The following OTULINL variants were observed in gnomAD, a reference collection of about 807,000 sequenced individuals.
OTULINL encodes the protein OTU deubiquitinase with linear linkage specificity like.
In OTULINL, 42 loss-of-function variants were observed where a neutral mutation model predicts 43.9. The ratio of observed to expected loss-of-function variants is 0.96; its 90% CI spans 0.75 to 1.24. OTULINL has a LOEUF of 1.24. Ranked by LOEUF, OTULINL falls within the 50% of genes most tolerant of loss-of-function variation. The probability of loss-of-function intolerance (pLI) is 0.00; values close to 1 mark genes in which losing one functional copy is unlikely to be tolerated. For synonymous variants in OTULINL, 172 were observed against 153.6 expected, an observed-to-expected ratio of 1.12 and a Z score of -0.88; for missense variants, 411 against 426.4, an observed-to-expected ratio of 0.96 and a Z score of 0.32.
At position 14,610,503 on chromosome 5, in the gene OTULINL, GC is replaced by G. The variant is rs1759564326; in HGVS notation, c.*190del. Reference sequence around the variant, plus strand: ...TTATTTTTCAGTGATTTCCTCTGAAGCAGCTGCACTGATACATTTGGGAGTT... The same window carrying G: ...TTATTTTTCAGTGATTTCCTCTGAAGAGCTGCACTGATACATTTGGGAGTT... On this transcript the variant is annotated 3_prime_UTR_variant, in exon 8 of 8. Transcript: ENST00000274217. 1.7e-6 allele frequency: 1 copy of G among 578,476 alleles called. No homozygotes were observed. The highest frequency in any genetic ancestry group is 1.9e-5 in the African/African-American group (1 of 53,640). 35.8% of individuals were successfully genotyped at this position (578,476 alleles called of 1,614,324 possible).
At chr5:14,605,507 G>A (rs960521493) in intron 5 of OTULINL, among the ~76,000 whole-genome samples, 1 of 152,164 alleles carries the variant, frequency 6.6e-6, no homozygotes, top group Admixed American at 6.5e-5. Context: ...CATTAGTTAC[G>A]CAAATATCTG....
Position 14,614,657 on chromosome 5 carries a change from C to T in OTULINL, c.*4343C>T, listed in dbSNP as rs866806185. 6 of 398,460 alleles carry T rather than the reference C, an allele frequency of 1.5e-5. No individual in the cohort carries two copies. Among genetic ancestry groups the T allele is most frequent in the East Asian group, 3.6e-5 (1 of 28,092 alleles). 24.7% of individuals were successfully genotyped at this position (398,460 alleles called of 1,614,324 possible). Reference sequence around the variant, plus strand: ...GTCTGGAGTGCTCTGTAGAACAGCCCGAAGTGTACACCATGTCTCTGCACT... The same window carrying T: ...GTCTGGAGTGCTCTGTAGAACAGCCTGAAGTGTACACCATGTCTCTGCACT... On this transcript the variant is annotated 3_prime_UTR_variant, in exon 8 of 8. Transcript: ENST00000274217.
In OTULINL at chr5:14,614,095, A is replaced by C; in HGVS notation, c.*3781A>C. On this transcript the variant is annotated 3_prime_UTR_variant, in exon 8 of 8. Coordinates refer to ENST00000274217, the MANE Select transcript of OTULINL (RefSeq NM_019018.3). ...AGGGTTGACTAATTCCAGAATTAGC[A>C]ATAATTTTCTCTTAAATAGCAAATT... Among the ~76,000 whole-genome samples the C allele has an allele frequency of 6.6e-6, 1 of 152,232 alleles. No homozygotes were observed. The highest frequency in any genetic ancestry group is 1.5e-5 in the Non-Finnish European group (1 of 68,036).
rs1759605833 is a variant in OTULINL, at chr5:14,612,903, A to G, written c.*2589A>G. ...TGACTTTTACTGTGGTAAAATACAC[A>G]TAACATATAGTTTATATTTTAACAA... On this transcript the variant is annotated 3_prime_UTR_variant, in exon 8 of 8. Transcript: ENST00000274217. 6.7e-6 allele frequency among the ~76,000 whole-genome samples: 1 copy of G among 148,580 alleles called. No homozygotes were observed. Among genetic ancestry groups the G allele is most frequent in the Non-Finnish European group, 1.5e-5 (1 of 67,502 alleles).
chr5:14,589,691 C>T (rs1357394593), intron 1 of OTULINL, among the ~76,000 whole-genome samples: 1 of 152,168 alleles, frequency 6.6e-6, no homozygotes, highest in Non-Finnish European at 1.5e-5. Context: ...TGGCTCATGC[C>T]TGTCATCCCA....
intron 1 of OTULINL, among the ~76,000 whole-genome samples, chr5:14,584,346 G>T (rs1340999256): frequency 1.3e-5 from 2 of 152,214 alleles, no homozygotes; most frequent in East Asian, 3.8e-4. Flanking sequence ...GAGGTTCTTA[G>T]GGGCCGGTGT....
rs1483363122 is a variant in OTULINL at position 14,610,984 on chromosome 5, T to A, written c.*670T>A. The A allele has an allele frequency of 6.6e-6, 1 of 152,188 alleles. No individual in the cohort carries two copies. The highest frequency in any genetic ancestry group is 1.9e-4 in the East Asian group (1 of 5,194). 9.4% of individuals were successfully genotyped at this position (152,188 alleles called of 1,614,324 possible). A position where few individuals can be genotyped will look rare whatever the true frequency, so the allele number is the denominator to read the frequency against. ...TCTCTTTACTTTTTTTGTTACTATT[T>A]TATCTGGCCAGCTTAATAGTTTTAT... is the stretch of plus-strand genomic sequence containing the variant. On this transcript the variant is annotated 3_prime_UTR_variant, in exon 8 of 8. Transcript: ENST00000274217.
Position 14,611,020 on chromosome 5 carries a change from T to A in OTULINL, c.*706T>A, listed in dbSNP as rs1471691119. 2.6e-5 allele frequency: 4 copies of A among 152,216 alleles called. No individual in the cohort carries two copies. The highest frequency in any genetic ancestry group is 1.9e-4 in the East Asian group (1 of 5,198). 9.4% of individuals were successfully genotyped at this position (152,216 alleles called of 1,614,324 possible). A position where few individuals can be genotyped will look rare whatever the true frequency, so the allele number is the denominator to read the frequency against. On this transcript the variant is annotated 3_prime_UTR_variant, in exon 8 of 8. Transcript: ENST00000274217. Reference sequence around the variant, plus strand: ...GCTTAATAGTTTTATTTAGATTTTTTAAAATTCTGTAGATTAAAGCAAATG... The same window carrying A: ...GCTTAATAGTTTTATTTAGATTTTTAAAAATTCTGTAGATTAAAGCAAATG...
chr5:14,584,349 G>T (rs756673704), intron 1 of OTULINL, among the ~76,000 whole-genome samples: 6 of 152,154 alleles, frequency 3.9e-5, no homozygotes, highest in Non-Finnish European at 8.8e-5. Flanking sequence ...GTTCTTAGGG[G>T]CCGGTGTTGG....
rs1274986023 is a variant in OTULINL, at chr5:14,610,312, T to C, written c.1069T>C (p.Ter357GlnextTer12). ...CCGCCACTACCACATTCCAGTCTTT[T>C]AAGTCCGCTGGGGGCCGAACAGCAG... is the stretch of plus-strand genomic sequence containing the variant. ...NDRHYHIPVF* is the reference protein window; with the variant it reads ...NDRHYHIPVFQ Residue 357 changes from the stop codon to glutamine (Q), a stop_lost, in exon 8 of 8, where the codon TAA becomes CAA. Coordinates refer to ENST00000274217, the MANE Select transcript of OTULINL (RefSeq NM_019018.3). 5 of 1,612,364 alleles carry C rather than the reference T, an allele frequency of 3.1e-6. No individual in the cohort carries two copies. In the African/African-American group the frequency reaches 6.7e-5, roughly 22 times the overall value.
rs1225496712 is a variant in OTULINL at position 14,608,614 on chromosome 5, A to T, written c.628-134A>T. The T allele has an allele frequency of 7.0e-6, 5 of 719,148 alleles. No homozygotes were observed. In the African/African-American group the frequency reaches 8.9e-5, roughly 13 times the overall value. The allele number at this position is 719,148 out of a possible 1,614,324, so 44.5% of individuals were successfully genotyped here. A position where few individuals can be genotyped will look rare whatever the true frequency, so the allele number is the denominator to read the frequency against. ...AAAAAAAATCAAACAGTGCCGAAAG[A>T]TAGAAAGTGAAGAGTTAAAGTTCCA... On this transcript the variant is annotated intron_variant, in intron 6 of 7. Transcript: ENST00000274217.
At position 14,607,458 on chromosome 5, in the gene OTULINL, GGTAA is replaced by G. The variant is rs1759503286; in HGVS notation, c.627+3_627+6del. 6.2e-7 allele frequency: 1 copy of G among 1,613,682 alleles called. No homozygotes were observed. Among genetic ancestry groups the G allele is most frequent in the Non-Finnish European group, 8.5e-7 (1 of 1,179,832 alleles). ...AATATGTGGAATTATTGAAAACACA[GGTAA>G]GTGTTTGCGGGGGAAATAAAAAGAC... On this transcript the variant is annotated splice_donor_variant and splice_donor_region_variant and intron_variant, in intron 6 of 7. Coordinates refer to ENST00000274217, the MANE Select transcript of OTULINL (RefSeq NM_019018.3). LOFTEE classifies it high-confidence loss of function.
chr5:14,597,873 C>A (rs1462211653), intron 1 of OTULINL, among the ~76,000 whole-genome samples: 2 of 152,170 alleles, frequency 1.3e-5, no homozygotes, highest in Admixed American at 1.3e-4. Context: ...ACCAGGAGTA[C>A]AGGCATGTGT....
Sources: gnomAD v4.1 joint callset for allele counts (sites outside exome capture counted in the v4.1 genomes callset) on GRCh38, gnomAD v4.1.1 for gene constraint, MANE v1.5 for transcripts, NCBI Gene and HGNC (gene_info 2026-07-23, HGNC 2026-07-21) for gene names.